Variants in CCDC85A observed in about 807,000 individuals in gnomAD.
The protein encoded by CCDC85A is coiled-coil domain-containing protein 85A.
In CCDC85A, 38 loss-of-function variants were observed where a neutral mutation model predicts 50.2. That is an observed-to-expected ratio of 0.76 (90% CI 0.58 to 0.99). The LOEUF (loss-of-function observed/expected upper bound fraction) is 0.99. Among genes scored for constraint, CCDC85A ranks in the 50% least tolerant of loss-of-function variants. The pLI, the probability that CCDC85A is intolerant of heterozygous loss-of-function variation, is 0.00. For synonymous variants in CCDC85A, 366 were observed against 301.4 expected, an observed-to-expected ratio of 1.21 and a Z score of -2.22; for missense variants, 820 against 742.0, an observed-to-expected ratio of 1.11 and a Z score of -1.22.
intron 2 of CCDC85A, among the ~76,000 whole-genome samples, chr2:56,284,379 T>C (rs1671335886): frequency 6.6e-6 from 1 of 152,252 alleles, no homozygotes; most frequent in Non-Finnish European, 1.5e-5. Context: ...TCAAATCTTC[T>C]TATTTTTTTT....
intron 2 of CCDC85A, among the ~76,000 whole-genome samples, chr2:56,228,953 C>G (rs1482185635): frequency 1.3e-5 from 2 of 152,248 alleles, no homozygotes; most frequent in African/African-American, 4.8e-5. Context: ...AAATAACAAG[C>G]CTTCTCATTA....
intron 2 of CCDC85A, among the ~76,000 whole-genome samples, chr2:56,312,103 A>G (rs13395732): frequency 0.049 from 7,412 of 152,174 alleles, 610 homozygotes; most frequent in African/African-American, 0.17. Context: ...GCGAAGGATA[A>G]GAAAAAATGA....
At chr2:56,252,532 T>C (rs1184817146) in intron 2 of CCDC85A, among the ~76,000 whole-genome samples, 1 of 152,114 alleles carries the variant, frequency 6.6e-6, no homozygotes, top group Non-Finnish European at 1.5e-5. Flanking sequence ...ATCAGGCTGC[T>C]CTGGGTATTT....
At chr2:56,245,818 G>T (rs1669481167) in intron 2 of CCDC85A, among the ~76,000 whole-genome samples, 1 of 152,124 alleles carries the variant, frequency 6.6e-6, no homozygotes, top group Non-Finnish European at 1.5e-5. Context: ...TGGGCAGCTT[G>T]CCCTTCTGCC....
chr2:56,225,420 C>T (rs10180643), intron 2 of CCDC85A, among the ~76,000 whole-genome samples: 15 of 151,570 alleles, frequency 9.9e-5, no homozygotes, highest in Non-Finnish European at 1.5e-4. Context: ...AAGGAGAGTG[C>T]GTCTCAAAAA....
chr2:56,248,787 G>C (rs1339645611), intron 2 of CCDC85A, among the ~76,000 whole-genome samples: 1 of 152,152 alleles, frequency 6.6e-6, no homozygotes, highest in Non-Finnish European at 1.5e-5. Flanking sequence ...GTCTGAACTG[G>C]GTTTCATTAG....
intron 2 of CCDC85A, among the ~76,000 whole-genome samples, chr2:56,307,800 A>G (rs1672511286): frequency 6.6e-6 from 1 of 152,212 alleles, no homozygotes; most frequent in Non-Finnish European, 1.5e-5. Context: ...ATGTCATTTT[A>G]CTTAGCAAGG....
At chr2:56,277,462 C>G (rs986665878) in intron 2 of CCDC85A, among the ~76,000 whole-genome samples, 1 of 152,006 alleles carries the variant, frequency 6.6e-6, no homozygotes, top group Non-Finnish European at 1.5e-5. Context: ...GAAAAAAAAC[C>G]TTTAGAGATT....
At chr2:56,197,763 G>A (rs1215827708) in intron 2 of CCDC85A, among the ~76,000 whole-genome samples, 1 of 152,180 alleles carries the variant, frequency 6.6e-6, no homozygotes, top group East Asian at 1.9e-4. Flanking sequence ...CTCCATTCTA[G>A]ACTAAAGTTG....
Position 56,265,517 on chromosome 2 carries a change from A to G in CCDC85A, c.1240+72077A>G, listed in dbSNP as rs188781079. On this transcript the variant is annotated intron_variant, in intron 2 of 5. Transcript: ENST00000407595. ...GTAGATATTTCTCAAAAGAAGATAT[A>G]CAGATGGCCAACAGGTATATGAAAA... Among the ~76,000 whole-genome samples, 14 of 152,312 alleles carry G rather than the reference A, an allele frequency of 9.2e-5. No individual in the cohort carries two copies. In the East Asian group the frequency reaches 2.7e-3, roughly 29 times the overall value.
chr2:56,286,487 G>T (rs146900918), intron 2 of CCDC85A, among the ~76,000 whole-genome samples: 19 of 152,092 alleles, frequency 1.2e-4, no homozygotes, highest in African/African-American at 3.6e-4. Flanking sequence ...GATCCTCTAT[G>T]CTGTAGTCTT....
chr2:56,286,009 C>A (rs1264051709), intron 2 of CCDC85A, among the ~76,000 whole-genome samples: 1 of 151,740 alleles, frequency 6.6e-6, no homozygotes, highest in Non-Finnish European at 1.5e-5. Context: ...GACAGTCCCC[C>A]CCACCCCGAC....
At chr2:56,272,059 A>T in intron 2 of CCDC85A, among the ~76,000 whole-genome samples, 1 of 152,194 alleles carries the variant, frequency 6.6e-6, no homozygotes, top group African/African-American at 2.4e-5. Flanking sequence ...GACTAAGAAG[A>T]TGGTAAAGGA....
At chr2:56,284,977 A>G (rs1157227187) in intron 2 of CCDC85A, among the ~76,000 whole-genome samples, 1 of 152,066 alleles carries the variant, frequency 6.6e-6, no homozygotes, top group African/African-American at 2.4e-5. Context: ...CTTTGACCCC[A>G]TATATATGGC....
chr2:56,314,196 A>G (rs1242418981), intron 2 of CCDC85A, among the ~76,000 whole-genome samples: 1 of 150,910 alleles, frequency 6.6e-6, no homozygotes, highest in Non-Finnish European at 1.5e-5. Flanking sequence ...GTCAGGAGAG[A>G]AGGCAGGGCT....
intron 3 of CCDC85A, among the ~76,000 whole-genome samples, chr2:56,360,740 T>C (rs1252968420): frequency 6.6e-6 from 1 of 152,136 alleles, no homozygotes; most frequent in Admixed American, 6.5e-5. Flanking sequence ...TGGTCAAAGT[T>C]TGTATGGAGA....
At position 56,329,682 on chromosome 2, in the gene CCDC85A, T is replaced by C. The variant is rs1673667292; in HGVS notation, c.1241-13197T>C. Among the ~76,000 whole-genome samples, 4 of 152,186 alleles carry C rather than the reference T, an allele frequency of 2.6e-5. No homozygotes were observed. In the South Asian group the frequency reaches 8.3e-4, roughly 32 times the overall value. ...GTTTGTTTTGCCATCTGTTGTTTCA[T>C]AGCCAGTACAGAGTATATGCTGGCT... On this transcript the variant is annotated intron_variant, in intron 2 of 5. Coordinates refer to ENST00000407595, the MANE Select transcript of CCDC85A (RefSeq NM_001080433.2).
chr2:56,210,967 C>A (rs948970878), intron 2 of CCDC85A, among the ~76,000 whole-genome samples: 5 of 152,036 alleles, frequency 3.3e-5, no homozygotes, highest in Non-Finnish European at 7.4e-5. Context: ...GTTTTAAAAC[C>A]ACTGACATAG....
At chr2:56,272,949 AAGAG>A (rs1457972093) in intron 2 of CCDC85A, among the ~76,000 whole-genome samples, 1 of 152,142 alleles carries the variant, frequency 6.6e-6, no homozygotes, top group Non-Finnish European at 1.5e-5. Context: ...GAAAAAGAAA[AAGAG>A]AGAGGAAGTG....
Sources: gnomAD v4.1 joint callset for allele counts (sites outside exome capture counted in the v4.1 genomes callset) on GRCh38, gnomAD v4.1.1 for gene constraint, MANE v1.5 for transcripts, NCBI Gene and HGNC (gene_info 2026-07-23, HGNC 2026-07-21) for gene names.